Variants in FRMPD4 observed in about 807,000 individuals in gnomAD.
FRMPD4 encodes FERM and PDZ domain-containing protein 4.
A neutral mutation model predicts 94.1 loss-of-function variants in FRMPD4; 22 were observed. The ratio of observed to expected loss-of-function variants is 0.23; its 90% confidence interval spans 0.17 to 0.33. The LOEUF is 0.33. Ranked by LOEUF, FRMPD4 falls within the 10% of genes least tolerant of loss-of-function variation. The pLI is 1.00. For synonymous variants in FRMPD4, 631 were observed against 548.6 expected, an observed-to-expected ratio of 1.15 and a Z score of -2.10; for missense variants, 1,111 against 1,339.9, an observed-to-expected ratio of 0.83 and a Z score of 2.67.
At chrX:11,999,951 C>T (rs2054515904) in intron 3 of FRMPD4, among the ~76,000 whole-genome samples, 1 of 111,764 alleles carries the variant, frequency 8.9e-6, no homozygotes, top group South Asian at 3.8e-4. Flanking sequence ...TCAAGCACAC[C>T]ATGAAAAGAT....
chrX:12,041,124 A>G (rs1173750957), intron 3 of FRMPD4, among the ~76,000 whole-genome samples: 1 of 111,884 alleles, frequency 8.9e-6, no homozygotes, highest in African/African-American at 3.3e-5. Context: ...CTATTGTCTT[A>G]TAAATTACAT....
At chrX:11,874,568 A>G (rs2053773239) in intron 2 of FRMPD4, among the ~76,000 whole-genome samples, 1 of 112,511 alleles carries the variant, frequency 8.9e-6, no homozygotes, top group Admixed American at 9.4e-5. Context: ...TATTTTACAT[A>G]AGGGACTTGG....
At chrX:12,392,125 C>G (rs1433631837) in intron 1 of FRMPD4, among the ~76,000 whole-genome samples, 3 of 109,077 alleles carry the variant, frequency 2.8e-5, no homozygotes, top group Non-Finnish European at 5.7e-5. Context: ...CCTCTGCCCC[C>G]ACTCCCCGAG....
chrX:12,272,753 A>T lies in FRMPD4; in HGVS notation c.41+133741A>T, dbSNP rs150753990. On this transcript the variant is annotated intron_variant, in intron 1 of 16. Transcript: ENST00000675598. ...GTTATTAAAAATAAATATATATAAA[A>T]TTCTTGCATGAAACAAAAGCTTAAT... Among the ~76,000 whole-genome samples, 796 of 111,643 alleles carry T rather than the reference A, an allele frequency of 7.1e-3. 6 individuals are homozygous for T. Among genetic ancestry groups the T allele is most frequent in the Admixed American group, 0.04 (414 of 10,466 alleles).
intron 3 of FRMPD4, among the ~76,000 whole-genome samples, chrX:11,990,479 T>G (rs748779265): frequency 8.9e-6 from 1 of 112,205 alleles, no homozygotes; most frequent in Non-Finnish European, 1.9e-5. Flanking sequence ...TAAATAAAAT[T>G]TAAAAATTAA....
chrX:12,203,137 A>G (rs2056649729), intron 1 of FRMPD4, among the ~76,000 whole-genome samples: 1 of 111,844 alleles, frequency 8.9e-6, no homozygotes, highest in African/African-American at 3.3e-5. Flanking sequence ...TTCCCCTGGT[A>G]TCCTGTGCCC....
chrX:11,911,280 C>G (rs922366552), intron 3 of FRMPD4, among the ~76,000 whole-genome samples: 3 of 112,371 alleles, frequency 2.7e-5, no homozygotes, highest in African/African-American at 9.7e-5. Flanking sequence ...TGTCTCAATT[C>G]AAATACTGAC....
At chrX:12,458,768 A>G (rs1601966995) in intron 1 of FRMPD4, among the ~76,000 whole-genome samples, 2 of 112,125 alleles carry the variant, frequency 1.8e-5, no homozygotes, top group South Asian at 3.7e-4. Context: ...AATGAAGACC[A>G]TGAGGCACAA....
chrX:12,398,468 C>T (rs1425397813), intron 1 of FRMPD4, among the ~76,000 whole-genome samples: 1 of 111,072 alleles, frequency 9.0e-6, no homozygotes, highest in African/African-American at 3.3e-5. Context: ...GAGGGTGTGA[C>T]AGGAATCATT....
chrX:12,051,431 G>A (rs2054818109), intron 3 of FRMPD4, among the ~76,000 whole-genome samples: 1 of 111,317 alleles, frequency 9.0e-6, no homozygotes, highest in South Asian at 3.8e-4. Context: ...GCATTTCAAA[G>A]GTAGTAAGAT....
chrX:12,255,652 A>G (rs779402529), intron 1 of FRMPD4, among the ~76,000 whole-genome samples: 11 of 112,242 alleles, frequency 9.8e-5, no homozygotes, highest in Non-Finnish European at 1.5e-4. Context: ...ATATGTTTCA[A>G]AAAACAAATT....
intron 3 of FRMPD4, among the ~76,000 whole-genome samples, chrX:12,033,671 T>A (rs746213639): frequency 4.5e-5 from 5 of 110,838 alleles, no homozygotes; most frequent in Non-Finnish European, 7.6e-5. Flanking sequence ...AGAGGAGGTA[T>A]TTTAGTTTAT....
intron 1 of FRMPD4, among the ~76,000 whole-genome samples, chrX:12,202,455 T>C (rs1366254226): frequency 8.9e-6 from 1 of 112,159 alleles, no homozygotes; most frequent in African/African-American, 3.2e-5. Flanking sequence ...TTTGGGGTGC[T>C]CGTATCCACA....
At chrX:11,902,434 T>A (rs2053943539) in intron 3 of FRMPD4, among the ~76,000 whole-genome samples, 1 of 111,717 alleles carries the variant, frequency 9.0e-6, no homozygotes, top group African/African-American at 3.3e-5. Flanking sequence ...AGAGAGCAAG[T>A]GAGTGAGAAC....
At chrX:12,309,329 C>G (rs5979575) in intron 1 of FRMPD4, among the ~76,000 whole-genome samples, 7,588 of 105,185 alleles carry the variant, frequency 0.072, 652 homozygotes, top group African/African-American at 0.25. Context: ...ACTGTGCAGA[C>G]GTTAAAATTT....
intron 3 of FRMPD4, among the ~76,000 whole-genome samples, chrX:11,925,112 A>G (rs2147347600): frequency 9.7e-6 from 1 of 103,089 alleles, no homozygotes; most frequent in African/African-American, 3.5e-5. Flanking sequence ...AGTTTCTGAC[A>G]AAACAGACTT....
intron 4 of FRMPD4, among the ~76,000 whole-genome samples, chrX:12,661,839 C>A (rs111332488): frequency 0.016 from 1,760 of 111,888 alleles, 16 homozygotes; most frequent in Non-Finnish European, 0.022. Flanking sequence ...AAGCAATAAA[C>A]CCCCATTTCA....
intron 3 of FRMPD4, among the ~76,000 whole-genome samples, chrX:12,040,259 A>ACAT (rs1306123563): frequency 2.8e-5 from 3 of 106,554 alleles, no homozygotes; most frequent in African/African-American, 1.0e-4. Context: ...TGTCTCCCTG[A>ACAT]CATATTGATC....
chrX:12,169,771 A>G (rs142940694), intron 1 of FRMPD4, among the ~76,000 whole-genome samples: 197 of 113,028 alleles, frequency 1.7e-3, no homozygotes, highest in African/African-American at 6.0e-3. Context: ...TGTGCATACA[A>G]AAGAAGTGAA....
Sources: gnomAD v4.1 joint callset for allele counts (sites outside exome capture counted in the v4.1 genomes callset) on GRCh38, gnomAD v4.1.1 for gene constraint, MANE v1.5 for transcripts, NCBI Gene and HGNC (gene_info 2026-07-23, HGNC 2026-07-21) for gene names.